The following DLG2 variants were observed in gnomAD, a reference collection of about 807,000 sequenced individuals.
The protein encoded by DLG2 is disks large homolog 2.
Under a neutral mutation model 132.5 loss-of-function variants are expected in DLG2, and 45 were observed. The observed-to-expected ratio is 0.34, with a 90% CI of 0.27 to 0.44. The LOEUF is 0.44. DLG2 is among the 20% of genes least tolerant of loss of function. The probability of loss-of-function intolerance (pLI) is 1.00; values close to 1 mark genes in which losing one functional copy is unlikely to be tolerated. For synonymous variants in DLG2, 424 were observed against 419.6 expected, an observed-to-expected ratio of 1.01 and a Z score of -0.13; for missense variants, 1,045 against 1,196.9, an observed-to-expected ratio of 0.87 and a Z score of 1.87.
At chr11:84,950,300 T>C (rs2050754073) in intron 6 of DLG2, among the ~76,000 whole-genome samples, 1 of 152,190 alleles carries the variant, frequency 6.6e-6, no homozygotes, top group African/African-American at 2.4e-5. Flanking sequence ...AAAAAATCTA[T>C]GGCTGTCTGT....
intron 7 of DLG2, among the ~76,000 whole-genome samples, chr11:84,332,596 G>A (rs533885667): frequency 1.5e-5 from 2 of 129,734 alleles, no homozygotes; most frequent in Admixed American, 8.6e-5. Context: ...CTGTAACCCC[G>A]GCATCCCAAA....
At chr11:84,893,585 T>A (rs1381552058) in intron 6 of DLG2, among the ~76,000 whole-genome samples, 1 of 152,132 alleles carries the variant, frequency 6.6e-6, no homozygotes, top group Non-Finnish European at 1.5e-5. Flanking sequence ...CTCAGTTGAG[T>A]CTCACTTTGA....
chr11:85,571,702 T>C (rs1480994570), intron 3 of DLG2, among the ~76,000 whole-genome samples: 2 of 152,202 alleles, frequency 1.3e-5, no homozygotes, highest in African/African-American at 4.8e-5. Flanking sequence ...AAGTATCTTA[T>C]TACGCAGCTT....
chr11:85,175,568 T>G (rs1315433192), intron 4 of DLG2, among the ~76,000 whole-genome samples: 1 of 152,086 alleles, frequency 6.6e-6, no homozygotes, highest in Non-Finnish European at 1.5e-5. Flanking sequence ...AAGGATGCCC[T>G]CTCTCACCAC....
intron 21 of DLG2, among the ~76,000 whole-genome samples, chr11:83,488,252 A>G (rs746739624): frequency 1.3e-5 from 2 of 151,940 alleles, no homozygotes; most frequent in Non-Finnish European, 1.5e-5. Context: ...TTAGATCTAC[A>G]TGTCTTTTGT....
At chr11:85,217,031 C>T (rs553831564) in intron 4 of DLG2, among the ~76,000 whole-genome samples, 8 of 152,126 alleles carry the variant, frequency 5.3e-5, no homozygotes, top group South Asian at 2.1e-4. Flanking sequence ...TTGTATAGTA[C>T]TTCATAAGAG....
chr11:85,247,254 T>C (rs1030766844), intron 4 of DLG2, among the ~76,000 whole-genome samples: 17 of 152,068 alleles, frequency 1.1e-4, no homozygotes, highest in African/African-American at 4.1e-4. Context: ...ATAAAGTTAT[T>C]TGTATTTTTT....
At chr11:84,931,308 C>G (rs975937116) in intron 6 of DLG2, among the ~76,000 whole-genome samples, 1 of 152,070 alleles carries the variant, frequency 6.6e-6, no homozygotes, top group African/African-American at 2.4e-5. Context: ...CTCCCTTCTC[C>G]CACCCTTTAT....
At chr11:85,480,033 C>T (rs549797445) in intron 3 of DLG2, among the ~76,000 whole-genome samples, 1 of 152,234 alleles carries the variant, frequency 6.6e-6, no homozygotes, top group South Asian at 2.1e-4. Context: ...GACTTCAACA[C>T]ATGAATTTTG....
chr11:84,281,932 T>G (rs1272363226), intron 7 of DLG2, among the ~76,000 whole-genome samples: 1 of 152,178 alleles, frequency 6.6e-6, no homozygotes, highest in Non-Finnish European at 1.5e-5. Context: ...TAAAAAATTG[T>G]ACAACCCCTT....
Position 83,612,047 on chromosome 11 carries a change from TAGAGG to T in DLG2, c.1940+21159_1940+21163del, listed in dbSNP as rs573981857. Reference sequence around the variant, plus strand: ...GAAATGGTGCACATTAGGCCTAGACTAGAGGAAAGAGTTTAATTTTCCATTTGGAT... The same window carrying T: ...GAAATGGTGCACATTAGGCCTAGACTAAAGAGTTTAATTTTCCATTTGGAT... On this transcript the variant is annotated intron_variant, in intron 19 of 27. Transcript: ENST00000376104. 2.0e-3 allele frequency among the ~76,000 whole-genome samples: 301 copies of T among 152,324 alleles called. 1 individual carries two copies. Among genetic ancestry groups the T allele is most frequent in the African/African-American group, 7.1e-3 (295 of 41,570 alleles).
intron 11 of DLG2, among the ~76,000 whole-genome samples, chr11:84,006,829 C>T (rs1030701500): frequency 1.3e-5 from 2 of 151,692 alleles, no homozygotes; most frequent in Middle Eastern, 3.4e-3. Flanking sequence ...TCAATTTTCT[C>T]TCTGCTCATG....
intron 11 of DLG2, among the ~76,000 whole-genome samples, chr11:84,005,610 C>T (rs1243834991): frequency 6.6e-6 from 1 of 151,422 alleles, no homozygotes. Flanking sequence ...CGACTAATAT[C>T]CAGAACATAC....
At chr11:84,107,361 C>T (rs1303600140) in intron 9 of DLG2, among the ~76,000 whole-genome samples, 2 of 151,926 alleles carry the variant, frequency 1.3e-5, no homozygotes, top group African/African-American at 4.8e-5. Flanking sequence ...AAGTAGGAGA[C>T]AATTTAGGAT....
At chr11:84,991,765 C>T (rs536640758) in intron 6 of DLG2, among the ~76,000 whole-genome samples, 2 of 152,110 alleles carry the variant, frequency 1.3e-5, no homozygotes, top group South Asian at 2.1e-4. Flanking sequence ...TATGGCAGAT[C>T]GTCCCATATT....
intron 23 of DLG2, among the ~76,000 whole-genome samples, chr11:83,472,429 G>A (rs1000836648): frequency 2.0e-5 from 3 of 152,146 alleles, no homozygotes; most frequent in Non-Finnish European, 2.9e-5. Flanking sequence ...CACCAGTCTC[G>A]TAGCTAGTGC....
intron 4 of DLG2, among the ~76,000 whole-genome samples, chr11:85,219,052 C>T (rs1231448492): frequency 6.6e-6 from 1 of 151,978 alleles, no homozygotes; most frequent in African/African-American, 2.4e-5. Context: ...AATATGAGAA[C>T]AATAGATGCT....
chr11:84,777,281 G>GTA (rs71036441), intron 6 of DLG2, among the ~76,000 whole-genome samples: 1,915 of 94,510 alleles, frequency 0.02, 33 homozygotes, highest in East Asian at 0.067. Flanking sequence ...ATGTGTGTGT[G>GTA]TATATATATA....
chr11:85,388,207 C>T (rs1465898610), intron 3 of DLG2, among the ~76,000 whole-genome samples: 2 of 152,042 alleles, frequency 1.3e-5, no homozygotes, highest in African/African-American at 2.4e-5. Flanking sequence ...CCTGGTGACC[C>T]GTGTGACCCA....
Sources: gnomAD v4.1 joint callset for allele counts (sites outside exome capture counted in the v4.1 genomes callset) on GRCh38, gnomAD v4.1.1 for gene constraint, MANE v1.5 for transcripts, NCBI Gene and HGNC (gene_info 2026-07-23, HGNC 2026-07-21) for gene names.